Variants in ITIH4 observed in about 807,000 individuals in gnomAD.
ITIH4 encodes inter-alpha-trypsin inhibitor heavy chain 4.
In ITIH4, 79 loss-of-function variants were observed where a neutral mutation model predicts 111.8. The observed-to-expected ratio is 0.71, with a 90% confidence interval of 0.59 to 0.85. The LOEUF is 0.85. Among genes scored for constraint, ITIH4 ranks in the 40% least tolerant of loss-of-function variants. ITIH4 has a pLI of 0.00. For missense variants in ITIH4, 1,065 were observed against 1,195.8 expected, an observed-to-expected ratio of 0.89 and a Z score of 1.61; for synonymous variants, 472 against 468.3, an observed-to-expected ratio of 1.01 and a Z score of -0.10.
Position 52,824,001 on chromosome 3 carries a change from T to TC in ITIH4, c.1174dup (p.Glu392GlyfsTer3). 2.6e-6 allele frequency: 4 copies of TC among 1,551,212 alleles called. No individual in the cohort carries two copies. The highest frequency in any genetic ancestry group is 3.5e-6 in the Non-Finnish European group (4 of 1,150,166). On this transcript the variant is annotated frameshift_variant, in exon 10 of 24. Coordinates refer to ENST00000266041, the MANE Select transcript of ITIH4 (RefSeq NM_002218.5). LOFTEE classifies it high-confidence loss of function. This position sits in a 1 kb window ranked among gnomAD's most constrained non-coding sequence, Gnocchi z 4.3. Reference sequence around the variant, plus strand: ...ATTCTGGATGCTCCTGGGGTTAGTCTCCCCTGGACCCAGGGGTTTGGGATG... The same window carrying TC: ...ATTCTGGATGCTCCTGGGGTTAGTCTCCCCCTGGACCCAGGGGTTTGGGATG...
At chr3:52,829,767 C>T (rs1432654919) in intron 1 of ITIH4, 3 of 157,930 alleles carry the variant, frequency 1.9e-5, no homozygotes, top group African/African-American at 7.2e-5. Context: ...GAAGCTCCCA[C>T]CAGTCTCCTA....
chr3:52,818,160 G>GT lies in ITIH4; in HGVS notation c.2187dup (p.Gln730ThrfsTer35). 6.2e-7 allele frequency: 1 copy of GT among 1,611,696 alleles called. No individual in the cohort carries two copies. On this transcript the variant is annotated frameshift_variant, in exon 20 of 24. Transcript: ENST00000266041. LOFTEE classifies it high-confidence loss of function. ...AGTGGCAGGATGGCAGAGGGAGCCT[G>GT]TATGGGGGCTGGGACAGCCGGGGCA...
At chr3:52,829,968 ACCTGCT>A in intron 1 of ITIH4, 1 of 226,544 alleles carries the variant, frequency 4.4e-6, no homozygotes, top group South Asian at 6.4e-5. Flanking sequence ...GGCACCTCTT[ACCTGCT>A]TGTGTGTGAC....
At position 52,823,562 on chromosome 3, in the gene ITIH4, C is replaced by T. The variant is rs1700429137; in HGVS notation, c.1533G>A (p.Gly511=). 16 of 1,605,734 alleles carry T rather than the reference C, an allele frequency of 1.0e-5. No homozygotes were observed. Among genetic ancestry groups the T allele is most frequent in the Non-Finnish European group, 1.4e-5 (16 of 1,176,122 alleles). The change falls in exon 11 of 24, where the codon GGG becomes GGA. Residue 511 remains glycine, a synonymous_variant. Transcript: ENST00000266041. The part of the protein sequence containing the change: ...GPDVLTATVS[G]KLPTQNITFQ... ...TGGCTTTGGCCACACTCACCAGCTT[C>T]CCACTGACTGTGGCTGTGAGCACAT...
At chr3:52,829,943 G>A (rs1273288759) in intron 1 of ITIH4, 3 of 195,236 alleles carry the variant, frequency 1.5e-5, no homozygotes, top group South Asian at 9.9e-5. Context: ...TGTGTCCCCC[G>A]AGGAGGGGCA....
rs1419480198 is a variant in ITIH4, at chr3:52,821,145, C to T, written c.1540-15G>A. The T allele has an allele frequency of 5.6e-6, 9 of 1,610,780 alleles. No homozygotes were observed. The highest frequency in any genetic ancestry group is 1.3e-5 in the African/African-American group (1 of 74,804). On this transcript the variant is annotated splice_polypyrimidine_tract_variant and intron_variant, in intron 11 of 23. Coordinates refer to ENST00000266041, the MANE Select transcript of ITIH4 (RefSeq NM_002218.5). Reference sequence around the variant, plus strand: ...TTCTGTGTAGGCTGGAAAGAGGGGCCCAGCCAGGGCAGGAGCAGTGAGGGC... The same window carrying T: ...TTCTGTGTAGGCTGGAAAGAGGGGCTCAGCCAGGGCAGGAGCAGTGAGGGC...
intron 17 of ITIH4, chr3:52,819,151 G>A: frequency 2.0e-6 from 1 of 507,168 alleles, no homozygotes; most frequent in Non-Finnish European, 3.6e-6. Context: ...CTAAGGATGG[G>A]GCAGGGGGCA....
chr3:52,819,902 C>A (rs772005108), intron 15 of ITIH4, 38 bp downstream of exon 15: 1 of 1,609,388 alleles, frequency 6.2e-7, no homozygotes, highest in Admixed American at 1.7e-5. Context: ...TGAGCCCAAT[C>A]TGTCAATCTC....
At chr3:52,828,247 G>A (rs1700515986) in intron 2 of ITIH4, among the ~76,000 whole-genome samples, 1 of 152,250 alleles carries the variant, frequency 6.6e-6, no homozygotes, top group South Asian at 2.1e-4. Context: ...CCTGGCAACT[G>A]CTGACCCTGG....
rs1700451981 is a variant in ITIH4 at position 52,824,516 on chromosome 3, T to C, written c.926A>G (p.Gln309Arg). Residue 309 changes from glutamine to arginine, a missense_variant, in exon 8 of 24, where the codon CAG (glutamine) becomes CGG (arginine). Transcript: ENST00000266041. The surrounding 1 kb of genome is among the most constrained non-coding windows in gnomAD (Gnocchi z 4.3). ...KILDDLSPRD[Q>R]FNLIVFSTEA... ...TGTACTGAAGACGATGAGGTTGAACTGGTCTCTGGGGCTGAGGTCATCCAG... is the reference window on the plus strand; with the variant it reads ...TGTACTGAAGACGATGAGGTTGAACCGGTCTCTGGGGCTGAGGTCATCCAG... The C allele has an allele frequency of 6.2e-7, 1 of 1,614,076 alleles. No individual in the cohort carries two copies. Among genetic ancestry groups the C allele is most frequent in the Non-Finnish European group, 8.5e-7 (1 of 1,180,026 alleles).
chr3:52,830,094 G>T (rs1002042957), intron 1 of ITIH4: 1 of 318,312 alleles, frequency 3.1e-6, no homozygotes, highest in Non-Finnish European at 6.1e-6. Flanking sequence ...TTTGCTCTGC[G>T]ACAAGCACTG....
chr3:52,823,425 TG>T (rs1188559056), intron 11 of ITIH4, 130 bp downstream of exon 11: 4 of 693,864 alleles, frequency 5.8e-6, no homozygotes, highest in African/African-American at 1.8e-5. Flanking sequence ...ATCCCTGCCA[TG>T]CCCCTGTGTC....
At chr3:52,817,198 A>G (rs774064857) in intron 20 of ITIH4, 140 bp from the exon 21 acceptor site, 19 of 648,828 alleles carry the variant, frequency 2.9e-5, no homozygotes, top group Non-Finnish European at 4.7e-5. Context: ...CCCCTTTCTC[A>G]GCACTCCTTC....
intron 13 of ITIH4, 64 bp downstream of exon 13, chr3:52,820,567 T>A: frequency 1.3e-6 from 2 of 1,539,470 alleles, no homozygotes; most frequent in African/African-American, 2.7e-5. Context: ...GCAGGGAAGA[T>A]CGGGGAGAAC....
intron 14 of ITIH4, 76 bp downstream of exon 14, chr3:52,820,215 T>C: frequency 6.3e-7 from 1 of 1,595,372 alleles, no homozygotes; most frequent in Non-Finnish European, 8.6e-7. Context: ...GCCAGCAACC[T>C]CACAGGGCTG....
At chr3:52,813,909 G>C in intron 23 of ITIH4, 66 bp downstream of exon 23, 1 of 1,298,732 alleles carries the variant, frequency 7.7e-7, no homozygotes, top group African/African-American at 1.5e-5. Context: ...TGGAGAGCCT[G>C]GCTCCTGGCC....
rs1027376083 is a variant in ITIH4, at chr3:52,824,712, C to T, written c.876+130G>A. ...GGGGCTGCCCTAGGCTCTGGCCAAC[C>T]TTGGTTCCTGAGAGCCACCCGCCCC... On this transcript the variant is annotated intron_variant, in intron 7 of 23. Transcript: ENST00000266041. The surrounding 1 kb of genome is among the most constrained non-coding windows in gnomAD (Gnocchi z 4.3). The T allele has an allele frequency of 1.6e-5, 20 of 1,265,400 alleles. No homozygotes were observed. The highest frequency in any genetic ancestry group is 2.0e-5 in the Non-Finnish European group (18 of 904,754). 78.4% of individuals were successfully genotyped at this position (1,265,400 alleles called of 1,614,324 possible). A position where few individuals can be genotyped will look rare whatever the true frequency, so the allele number is the denominator to read the frequency against.
rs766682977 is a variant in ITIH4 at position 52,820,751 on chromosome 3, G to C, written c.1714C>G (p.Arg572Gly). ...SASDADQQAL[R>G]NQALNLSLAY... ...AGTGATAAATTCAGCGCTTGGTTCC[G>C]GAGGGCCTGCTGATCAGCATCGGAT... Residue 572 changes from arginine to glycine, a missense_variant, in exon 13 of 24, where the codon CGG (arginine) becomes GGG (glycine). Transcript: ENST00000266041. 5 of 1,613,832 alleles carry C rather than the reference G, an allele frequency of 3.1e-6. No homozygotes were observed. Among genetic ancestry groups the C allele is most frequent in the Non-Finnish European group, 3.4e-6 (4 of 1,179,868 alleles).
In ITIH4 at chr3:52,824,098, CT is replaced by C; in HGVS notation, c.1171+91del. 1.3e-6 allele frequency: 2 copies of C among 1,574,048 alleles called. No individual in the cohort carries two copies. The highest frequency in any genetic ancestry group is 2.3e-5 in the South Asian group (2 of 86,332). On this transcript the variant is annotated intron_variant, in intron 9 of 23. Transcript: ENST00000266041. This position sits in a 1 kb window ranked among gnomAD's most constrained non-coding sequence, Gnocchi z 4.3. ...AGAGCCGAGGGGCCTCAGTGACCCC[CT>C]CTCCCTGCCCAGATCCCACAGCAAG...
Sources: allele counts gnomAD v4.1 joint callset (sites outside exome capture counted in the v4.1 genomes callset), GRCh38; gene constraint gnomAD v4.1.1; non-coding constraint Gnocchi (gnomAD v3.1); transcripts MANE v1.5; gene names NCBI Gene and HGNC (gene_info 2026-07-23, HGNC 2026-07-21).